Variants in TSGA10 observed in about 807,000 individuals in gnomAD.
TSGA10 encodes the protein testis specific 10, also known as testis-specific gene 10 protein.
TSGA10 carries 43 observed loss-of-function variants against 96.6 expected under a neutral mutation model. The observed-to-expected ratio is 0.44, with a 90% CI of 0.35 to 0.57. The LOEUF (loss-of-function observed/expected upper bound fraction) is 0.57. Ranked by LOEUF, TSGA10 falls within the 20% of genes least tolerant of loss-of-function variation. The probability of loss-of-function intolerance (pLI) is 0.01; values close to 1 mark genes in which losing one functional copy is unlikely to be tolerated. For synonymous variants in TSGA10, 229 were observed against 269.9 expected (o/e 0.85, Z 1.48); for missense variants, 703 against 834.4 (o/e 0.84, Z 1.94).
chr2:99,006,051 C>G (rs2078439212), intron 20 of TSGA10, among the ~76,000 whole-genome samples: 2 of 152,138 alleles, frequency 1.3e-5, no homozygotes, highest in Non-Finnish European at 1.5e-5. Flanking sequence ...GAAAGGATTC[C>G]CTATTTAATA....
chr2:99,085,259 T>C (rs1399215324), intron 10 of TSGA10, among the ~76,000 whole-genome samples: 1 of 151,226 alleles, frequency 6.6e-6, no homozygotes, highest in Non-Finnish European at 1.5e-5. Context: ...AATTAATTAA[T>C]TAATTAATTT....
At chr2:99,092,704 C>A (rs550568000) in intron 10 of TSGA10, among the ~76,000 whole-genome samples, 1 of 152,202 alleles carries the variant, frequency 6.6e-6, no homozygotes, top group African/African-American at 2.4e-5. Flanking sequence ...AAATATACAA[C>A]CCTCCTAGCT....
At chr2:99,059,035 CAA>C (rs60034428) in intron 16 of TSGA10, among the ~76,000 whole-genome samples, 3 of 102,534 alleles carry the variant, frequency 2.9e-5, no homozygotes, top group Admixed American at 2.1e-4. Context: ...GACTCTGTCT[CAA>C]AAAAAAAAAA....
At chr2:99,143,035 A>G (rs1239248953) in intron 1 of TSGA10, among the ~76,000 whole-genome samples, 1 of 151,982 alleles carries the variant, frequency 6.6e-6, no homozygotes, top group Admixed American at 6.6e-5. Flanking sequence ...TCCTATCAAG[A>G]ACTGTTGACT....
chr2:99,048,631 G>T (rs1434122621), intron 16 of TSGA10, among the ~76,000 whole-genome samples: 1 of 152,086 alleles, frequency 6.6e-6, no homozygotes, highest in Non-Finnish European at 1.5e-5. Flanking sequence ...AAAAATCCTA[G>T]AAGAAAACCT....
At chr2:99,021,279 CA>C (rs888368482) in intron 17 of TSGA10, among the ~76,000 whole-genome samples, 1 of 150,230 alleles carries the variant, frequency 6.7e-6, no homozygotes, top group Non-Finnish European at 1.5e-5. Context: ...AGATACAATG[CA>C]AAAAAAAGTT....
rs1024531426 is a variant in TSGA10, at chr2:98,997,280, T to A, written c.*917A>T. The stretch of plus-strand genomic sequence containing the variant: ...TATGAATACTATTAATGACAAGCCT[T>A]TTTTTATTAAAATGGCAAGAATACA... On this transcript the variant is annotated 3_prime_UTR_variant, in exon 21 of 21. Transcript: ENST00000393483. 2.0e-5 allele frequency: 3 copies of A among 152,048 alleles called. No individual in the cohort carries two copies. The highest frequency in any genetic ancestry group is 4.4e-5 in the Non-Finnish European group (3 of 67,928). 9.4% of individuals were successfully genotyped at this position (152,048 alleles called of 1,614,324 possible). A position where few individuals can be genotyped will look rare whatever the true frequency, so the allele number is the denominator to read the frequency against.
intron 4 of TSGA10, among the ~76,000 whole-genome samples, chr2:99,112,407 C>T (rs879792932): frequency 2.6e-4 from 40 of 152,120 alleles, no homozygotes; most frequent in Non-Finnish European, 5.0e-4. Context: ...GTGGATTCTA[C>T]ATTCCAGCTA....
chr2:99,144,909 G>A (rs1166895729), intron 1 of TSGA10, among the ~76,000 whole-genome samples: 1 of 152,156 alleles, frequency 6.6e-6, no homozygotes, highest in East Asian at 1.9e-4. Flanking sequence ...GTCTGGGGTC[G>A]AATAAGGCAA....
intron 17 of TSGA10, among the ~76,000 whole-genome samples, chr2:99,032,409 T>G (rs2081221390): frequency 6.6e-6 from 1 of 152,244 alleles, no homozygotes; most frequent in Non-Finnish European, 1.5e-5. Context: ...ACGGGTTCAT[T>G]GCAACAGGTA....
At chr2:99,045,697 A>G (rs1286347777) in intron 16 of TSGA10, among the ~76,000 whole-genome samples, 1 of 152,226 alleles carries the variant, frequency 6.6e-6, no homozygotes, top group East Asian at 1.9e-4. Flanking sequence ...ATAACCAGCT[A>G]ACATCATAAT....
At position 98,998,067 on chromosome 2, in the gene TSGA10, A is replaced by G; in HGVS notation, c.*130T>C. ...ATGGCACATTAGAACAGAGATTCAG[A>G]GACACAAAGTTAATAAATACATTTA... On this transcript the variant is annotated 3_prime_UTR_variant, in exon 21 of 21. Transcript: ENST00000393483. 1 of 834,248 alleles carries G rather than the reference A, an allele frequency of 1.2e-6. No homozygotes were observed. The highest frequency in any genetic ancestry group is 2.5e-5 in the East Asian group (1 of 39,340). 51.7% of individuals were successfully genotyped at this position (834,248 alleles called of 1,614,324 possible). A position where few individuals can be genotyped will look rare whatever the true frequency, so the allele number is the denominator to read the frequency against.
chr2:99,007,548 T>A (rs181022938), intron 20 of TSGA10, among the ~76,000 whole-genome samples: 1 of 152,274 alleles, frequency 6.6e-6, no homozygotes, highest in South Asian at 2.1e-4. Flanking sequence ...CATTCCATGA[T>A]GAAGAATGAC....
chr2:99,132,783 G>T (rs2105038925), intron 1 of TSGA10, among the ~76,000 whole-genome samples: 1 of 152,274 alleles, frequency 6.6e-6, no homozygotes, highest in Admixed American at 6.5e-5. Context: ...CTTTAGCTGT[G>T]TCCCAGAGAT....
intron 20 of TSGA10, among the ~76,000 whole-genome samples, chr2:99,013,004 T>A (rs1469728803): frequency 6.6e-6 from 1 of 152,080 alleles, no homozygotes; most frequent in African/African-American, 2.4e-5. Context: ...TCTTTTGTAA[T>A]TTTTTTGTCT....
chr2:99,040,486 A>G (rs1427362790), intron 16 of TSGA10, among the ~76,000 whole-genome samples: 1 of 152,166 alleles, frequency 6.6e-6, no homozygotes, highest in East Asian at 1.9e-4. Context: ...CAAATCAAGA[A>G]CTCAACTCCT....
At chr2:99,026,522 C>G (rs1255853228) in intron 17 of TSGA10, among the ~76,000 whole-genome samples, 2 of 151,928 alleles carry the variant, frequency 1.3e-5, no homozygotes, top group Admixed American at 6.6e-5. Flanking sequence ...CAGGTTCATG[C>G]CATTCTCCTG....
intron 1 of TSGA10, among the ~76,000 whole-genome samples, chr2:99,139,598 A>G (rs534011151): frequency 6.6e-6 from 1 of 152,356 alleles, no homozygotes; most frequent in South Asian, 2.1e-4. Context: ...GGAAAACCAT[A>G]CAAGATTTAT....
At chr2:99,046,213 C>A (rs949288148) in intron 16 of TSGA10, among the ~76,000 whole-genome samples, 1 of 152,100 alleles carries the variant, frequency 6.6e-6, no homozygotes, top group Admixed American at 6.5e-5. Context: ...CAGCTCTGCA[C>A]CAAGCAGACC....
Sources: allele counts gnomAD v4.1 joint callset (sites outside exome capture counted in the v4.1 genomes callset), GRCh38; gene constraint gnomAD v4.1.1; transcripts MANE v1.5; gene names NCBI Gene and HGNC (gene_info 2026-07-23, HGNC 2026-07-21).